The following SORCS3 variants were observed in gnomAD, a reference collection of about 807,000 sequenced individuals.
SORCS3 encodes VPS10 domain-containing receptor SorCS3.
A neutral mutation model predicts 146.3 loss-of-function variants in SORCS3; 57 were observed. That is an observed-to-expected ratio of 0.39 (90% CI 0.31 to 0.49). The LOEUF is 0.49. Among genes scored for constraint, SORCS3 ranks in the 20% least tolerant of loss-of-function variants. The pLI is 0.92. For missense variants in SORCS3, 1,341 were observed against 1,575.5 expected, an observed-to-expected ratio of 0.85 and a Z score of 2.52; for synonymous variants, 653 against 618.5, an observed-to-expected ratio of 1.06 and a Z score of -0.83.
intron 1 of SORCS3, among the ~76,000 whole-genome samples, chr10:104,768,028 C>A (rs2017202313): frequency 6.6e-6 from 1 of 152,104 alleles, no homozygotes; most frequent in African/African-American, 2.4e-5. Flanking sequence ...GCACTTGAGT[C>A]AAATGTTTTC....
rs191669076 is a variant in SORCS3, at chr10:104,883,663, A to G, written c.696-32170A>G. Among the ~76,000 whole-genome samples, 672 of 152,170 alleles carry G rather than the reference A, an allele frequency of 4.4e-3. 4 individuals are homozygous for G. The highest frequency in any genetic ancestry group is 0.015 in the African/African-American group (633 of 41,522). Reference sequence around the variant, plus strand: ...ATCTATGAGGAATATCTTATTTTTTATTGTTGGTCCTACTCTATTCCCCTT... The same window carrying G: ...ATCTATGAGGAATATCTTATTTTTTGTTGTTGGTCCTACTCTATTCCCCTT... On this transcript the variant is annotated intron_variant, in intron 2 of 26. Coordinates refer to ENST00000369701, the MANE Select transcript of SORCS3 (RefSeq NM_014978.3).
chr10:105,078,748 A>C (rs562269737), intron 5 of SORCS3, among the ~76,000 whole-genome samples: 38 of 152,264 alleles, frequency 2.5e-4, no homozygotes, highest in African/African-American at 8.7e-4. Flanking sequence ...GTTCTCATAA[A>C]AACAATGACA....
At chr10:104,735,873 C>T (rs1199467705) in intron 1 of SORCS3, among the ~76,000 whole-genome samples, 1 of 152,128 alleles carries the variant, frequency 6.6e-6, no homozygotes, top group Non-Finnish European at 1.5e-5. Context: ...AACCTCTTTC[C>T]CTCTAATCTG....
In SORCS3 at chr10:104,724,901, C is replaced by G. The variant is rs941761010; in HGVS notation, c.627+82947C>G. ...TCTAATTTTTTTTCAAGGTATTTAA[C>G]TTCTTTGCCATGAGTTCGAACTTCC... On this transcript the variant is annotated intron_variant, in intron 1 of 26. Transcript: ENST00000369701. 3.9e-5 allele frequency among the ~76,000 whole-genome samples: 6 copies of G among 152,126 alleles called. No homozygotes were observed. The South Asian group carries it at 8.3e-4, about 21-fold the overall frequency.
At position 104,694,037 on chromosome 10, in the gene SORCS3, T is replaced by C. The variant is rs555277865; in HGVS notation, c.627+52083T>C. Reference sequence around the variant, plus strand: ...GTTTCTACGCAGGACACTTGATAGCTGAAATCATTACAGAAAAACAGAGCC... The same window carrying C: ...GTTTCTACGCAGGACACTTGATAGCCGAAATCATTACAGAAAAACAGAGCC... On this transcript the variant is annotated intron_variant, in intron 1 of 26. Transcript: ENST00000369701. Among the ~76,000 whole-genome samples, 4 of 152,090 alleles carry C rather than the reference T, an allele frequency of 2.6e-5. No homozygotes were observed. In the East Asian group the frequency reaches 7.8e-4, roughly 30 times the overall value.
At chr10:104,688,150 C>T (rs1296412280) in intron 1 of SORCS3, among the ~76,000 whole-genome samples, 1 of 152,208 alleles carries the variant, frequency 6.6e-6, no homozygotes, top group Non-Finnish European at 1.5e-5. Flanking sequence ...ATTGAGTCTC[C>T]CAGAAGCGGG....
chr10:105,075,620 G>T (rs1109595), intron 5 of SORCS3, among the ~76,000 whole-genome samples: 70,706 of 151,660 alleles, frequency 0.47, 16,698 homozygotes, highest in East Asian at 0.66. Flanking sequence ...TAATATACTT[G>T]CTTCATTAGT....
chr10:104,831,932 G>A (rs2018005159), intron 1 of SORCS3, among the ~76,000 whole-genome samples: 1 of 152,124 alleles, frequency 6.6e-6, no homozygotes, highest in Non-Finnish European at 1.5e-5. Context: ...TCTCATCTCT[G>A]TGTATGTGCA....
intron 14 of SORCS3, among the ~76,000 whole-genome samples, chr10:105,182,362 G>A (rs2119571567): frequency 6.6e-6 from 1 of 151,366 alleles, no homozygotes; most frequent in South Asian, 2.1e-4. Context: ...AGGACACTGA[G>A]GCTCAGCTCA....
intron 3 of SORCS3, among the ~76,000 whole-genome samples, chr10:104,957,170 A>G (rs368587433): frequency 2.2e-4 from 34 of 152,198 alleles, no homozygotes; most frequent in Non-Finnish European, 4.0e-4. Flanking sequence ...GAGTGCGGGA[A>G]GTGAAGAAAG....
chr10:104,974,154 G>GA (rs2054879167), intron 3 of SORCS3, among the ~76,000 whole-genome samples: 1 of 152,178 alleles, frequency 6.6e-6, no homozygotes, highest in African/African-American at 2.4e-5. Flanking sequence ...GTGTGGTGCT[G>GA]AAAAGAATGT....
At chr10:104,739,378 C>T (rs1411392658) in intron 1 of SORCS3, among the ~76,000 whole-genome samples, 1 of 152,150 alleles carries the variant, frequency 6.6e-6, no homozygotes, top group Non-Finnish European at 1.5e-5. Context: ...AGAAGTTCAC[C>T]ACCTCAGGGC....
At chr10:104,643,527 G>T (rs1034621647) in intron 1 of SORCS3, among the ~76,000 whole-genome samples, 8 of 152,198 alleles carry the variant, frequency 5.3e-5, no homozygotes, top group Non-Finnish European at 2.9e-5. Context: ...GCCTCGGGCT[G>T]ACAGCTCTGG....
chr10:105,152,653 T>C (rs2056175625), intron 9 of SORCS3, among the ~76,000 whole-genome samples: 1 of 152,228 alleles, frequency 6.6e-6, no homozygotes, highest in South Asian at 2.1e-4. Flanking sequence ...AATTCAAATT[T>C]CTATGGGTTA....
At chr10:104,898,288 A>T (rs2018819027) in intron 2 of SORCS3, among the ~76,000 whole-genome samples, 1 of 152,168 alleles carries the variant, frequency 6.6e-6, no homozygotes, top group African/African-American at 2.4e-5. Context: ...GTTTCCTTTC[A>T]TTGTGGTATT....
intron 1 of SORCS3, among the ~76,000 whole-genome samples, chr10:104,679,058 A>G (rs545929868): frequency 6.6e-6 from 1 of 152,346 alleles, no homozygotes; most frequent in South Asian, 2.1e-4. Context: ...GCCTCAGAGG[A>G]CAAAAGTTAG....
chr10:104,952,797 G>A (rs899024361), intron 3 of SORCS3, among the ~76,000 whole-genome samples: 2 of 152,160 alleles, frequency 1.3e-5, no homozygotes, highest in African/African-American at 2.4e-5. Flanking sequence ...CTAGAGTTGT[G>A]TTAACATGTT....
intron 6 of SORCS3, among the ~76,000 whole-genome samples, chr10:105,100,616 A>T (rs1415666891): frequency 6.6e-6 from 1 of 152,172 alleles, no homozygotes; most frequent in Admixed American, 6.5e-5. Context: ...TGTCCAGCCC[A>T]TATACTTTCT....
intron 1 of SORCS3, among the ~76,000 whole-genome samples, chr10:104,836,294 C>T (rs1484966941): frequency 6.6e-6 from 1 of 152,132 alleles, no homozygotes; most frequent in East Asian, 1.9e-4. Flanking sequence ...TGGAAGGCAG[C>T]AGGTTAAGGA....
Sources: allele counts gnomAD v4.1 joint callset (sites outside exome capture counted in the v4.1 genomes callset), GRCh38; gene constraint gnomAD v4.1.1; transcripts MANE v1.5; gene names NCBI Gene and HGNC (gene_info 2026-07-23, HGNC 2026-07-21).